Variants in CADM2 observed in about 807,000 individuals in gnomAD.
CADM2 encodes the protein cell adhesion molecule 2, also known as immunoglobulin superfamily member 4D.
In CADM2, 12 loss-of-function variants were observed where a neutral mutation model predicts 49.8. That is an observed-to-expected ratio of 0.24 (90% CI 0.15 to 0.39). The LOEUF (loss-of-function observed/expected upper bound fraction) is 0.39. CADM2 is among the 10% of genes least tolerant of loss of function. CADM2 has a pLI of 1.00. For missense variants in CADM2, 378 were observed against 492.3 expected, an observed-to-expected ratio of 0.77 and a Z score of 2.20; for synonymous variants, 214 against 175.4, an observed-to-expected ratio of 1.22 and a Z score of -1.74.
intron 1 of CADM2, among the ~76,000 whole-genome samples, chr3:85,512,860 A>G (rs913933410): frequency 4.6e-5 from 7 of 152,044 alleles, no homozygotes; most frequent in Non-Finnish European, 8.8e-5. Context: ...TCTGTAAAAA[A>G]TGAATCAATC....
chr3:85,086,686 T>A (rs2037391084), intron 1 of CADM2, among the ~76,000 whole-genome samples: 1 of 151,916 alleles, frequency 6.6e-6, no homozygotes, highest in Admixed American at 6.6e-5. Context: ...AATTTTTGTA[T>A]TTTTAGTAGA....
At chr3:85,534,683 A>G (rs973148469) in intron 1 of CADM2, among the ~76,000 whole-genome samples, 5 of 152,144 alleles carry the variant, frequency 3.3e-5, no homozygotes, top group Non-Finnish European at 5.9e-5. Flanking sequence ...TATCTAGGCT[A>G]TTGTCTAAAG....
chr3:85,463,131 C>T (rs1421198504), intron 1 of CADM2, among the ~76,000 whole-genome samples: 1 of 152,110 alleles, frequency 6.6e-6, no homozygotes, highest in Non-Finnish European at 1.5e-5. Flanking sequence ...TTTTCAAATA[C>T]TGATTTATTT....
intron 1 of CADM2, among the ~76,000 whole-genome samples, chr3:85,396,479 A>C (rs115724935): frequency 6.6e-6 from 1 of 151,972 alleles, no homozygotes; most frequent in Admixed American, 6.6e-5. Context: ...TTTTCTTTAC[A>C]CTATATTTTA....
intron 1 of CADM2, among the ~76,000 whole-genome samples, chr3:85,427,160 CTA>C (rs35485915): frequency 0.055 from 6,109 of 111,530 alleles, 105 homozygotes; most frequent in African/African-American, 0.081. Context: ...TGTATTGGAA[CTA>C]TATATATATA....
chr3:85,322,746 T>C (rs2044647547), intron 1 of CADM2, among the ~76,000 whole-genome samples: 2 of 152,172 alleles, frequency 1.3e-5, no homozygotes, highest in Admixed American at 1.3e-4. Context: ...AAGGGCTCTC[T>C]CTGTGCCTAA....
At chr3:86,040,361 G>A (rs957843001) in intron 8 of CADM2, among the ~76,000 whole-genome samples, 3 of 152,130 alleles carry the variant, frequency 2.0e-5, no homozygotes, top group Non-Finnish European at 4.4e-5. Context: ...TGGCTAACTA[G>A]AATAACCAAT....
intron 7 of CADM2, among the ~76,000 whole-genome samples, chr3:85,954,611 G>A (rs1223694914): frequency 6.6e-6 from 1 of 150,856 alleles, no homozygotes; most frequent in Admixed American, 6.6e-5. Context: ...CAGTGTTTGG[G>A]CTTCGTTTAG....
intron 1 of CADM2, among the ~76,000 whole-genome samples, chr3:85,655,733 C>G (rs547908251): frequency 6.6e-6 from 1 of 152,272 alleles, no homozygotes; most frequent in South Asian, 2.1e-4. Context: ...AAGCTAGTGA[C>G]TCTCAAACTC....
chr3:85,796,088 G>T (rs2071602881), intron 2 of CADM2, among the ~76,000 whole-genome samples: 1 of 152,144 alleles, frequency 6.6e-6, no homozygotes, highest in Admixed American at 6.5e-5. Context: ...CTTATTTAAA[G>T]AAGCAAACAG....
intron 1 of CADM2, among the ~76,000 whole-genome samples, chr3:85,101,893 T>G (rs1272936773): frequency 6.6e-6 from 1 of 152,170 alleles, no homozygotes; most frequent in Non-Finnish European, 1.5e-5. Flanking sequence ...AGGCAGGTTG[T>G]GCATGTTAAG....
intron 1 of CADM2, among the ~76,000 whole-genome samples, chr3:85,069,669 A>T (rs1207990938): frequency 6.6e-6 from 1 of 152,150 alleles, no homozygotes; most frequent in East Asian, 1.9e-4. Flanking sequence ...TTAACTATCA[A>T]TAAACAGCAG....
chr3:85,788,677 A>AT (rs960716216), intron 2 of CADM2, among the ~76,000 whole-genome samples: 58 of 148,934 alleles, frequency 3.9e-4, no homozygotes, highest in East Asian at 5.9e-4. Flanking sequence ...AGTTTGAATA[A>AT]TTTTTTTTTT....
chr3:86,064,700 G>C (rs1185057745), intron 8 of CADM2, among the ~76,000 whole-genome samples: 2 of 152,130 alleles, frequency 1.3e-5, no homozygotes, highest in East Asian at 3.9e-4. Flanking sequence ...AAACCACAAT[G>C]ATATACCACC....
chr3:85,538,014 T>G (rs1389823233), intron 1 of CADM2, among the ~76,000 whole-genome samples: 3 of 152,108 alleles, frequency 2.0e-5, no homozygotes, highest in Non-Finnish European at 4.4e-5. Context: ...AGCAAAAGTT[T>G]TGTTCATATC....
chr3:85,815,655 A>G (rs1199388859), intron 3 of CADM2, among the ~76,000 whole-genome samples: 2 of 152,210 alleles, frequency 1.3e-5, no homozygotes, highest in Non-Finnish European at 2.9e-5. Flanking sequence ...AATGGGCAGA[A>G]GCTGGAAGCA....
chr3:85,424,617 T>C (rs2107505710), intron 1 of CADM2, among the ~76,000 whole-genome samples: 1 of 152,248 alleles, frequency 6.6e-6, no homozygotes, highest in East Asian at 1.9e-4. Flanking sequence ...TGTTAGAGCG[T>C]CCTGTGAAAT....
chr3:85,770,954 G>A (rs1468355483), intron 2 of CADM2, among the ~76,000 whole-genome samples: 4 of 152,076 alleles, frequency 2.6e-5, no homozygotes, highest in Non-Finnish European at 4.4e-5. Flanking sequence ...TCTGGACTTC[G>A]TCGTCTGTGA....
chr3:85,128,537 T>C (rs538979029), intron 1 of CADM2, among the ~76,000 whole-genome samples: 4 of 152,174 alleles, frequency 2.6e-5, no homozygotes, highest in Non-Finnish European at 5.9e-5. Context: ...ACAGTATGAG[T>C]TTAATTTGTG....
Sources: allele counts gnomAD v4.1 joint callset (sites outside exome capture counted in the v4.1 genomes callset), GRCh38; gene constraint gnomAD v4.1.1; transcripts MANE v1.5; gene names NCBI Gene and HGNC (gene_info 2026-07-23, HGNC 2026-07-21).